Variants in STAT1 observed in about 807,000 individuals in gnomAD.
STAT1 encodes the protein signal transducer and activator of transcription 1-alpha/beta.
A neutral mutation model predicts 111.7 loss-of-function variants in STAT1; 24 were observed. The observed-to-expected ratio is 0.21, with a 90% CI of 0.16 to 0.30. The LOEUF (loss-of-function observed/expected upper bound fraction) is 0.30. STAT1 is among the 10% of genes least tolerant of loss of function. The pLI is 1.00. For missense variants in STAT1, 351 were observed against 911.9 expected (o/e 0.38, Z 7.92); for synonymous variants, 332 against 326.5 (o/e 1.02, Z -0.18).
intron 3 of STAT1, 142 bp from the exon 4 acceptor site, chr2:191,009,249 A>T: frequency 9.0e-7 from 1 of 1,106,524 alleles, no homozygotes; most frequent in Non-Finnish European, 1.3e-6. Flanking sequence ...TTTGAAACTG[A>T]CATTGCTTTT....
chr2:191,013,927 G>T, intron 1 of STAT1, 91 bp downstream of exon 1: 1 of 345,722 alleles, frequency 2.9e-6, no homozygotes, highest in Non-Finnish European at 5.2e-6. Flanking sequence ...AGCACAGACG[G>T]CCCGTCCTCG....
rs1448734605 is a variant in STAT1 at position 191,007,350 on chromosome 2, T to C, written c.372+213A>G. Among the ~76,000 whole-genome samples, 1 of 152,250 alleles carries C rather than the reference T, an allele frequency of 6.6e-6. No homozygotes were observed. The highest frequency in any genetic ancestry group is 1.9e-4 in the East Asian group (1 of 5,204). On this transcript the variant is annotated intron_variant, in intron 5 of 24. Coordinates refer to ENST00000361099, the MANE Select transcript of STAT1 (RefSeq NM_007315.4). This position sits in a 1 kb window ranked among gnomAD's most constrained non-coding sequence, Gnocchi z 4.2. ...GCTACCCAGAAGTATCTTGTTTATATGTTCTCTCTCCTCGTTAGAACTTAA... is the reference window on the plus strand; with the variant it reads ...GCTACCCAGAAGTATCTTGTTTATACGTTCTCTCTCCTCGTTAGAACTTAA...
rs1694087191 is a variant in STAT1 at position 190,999,295 on chromosome 2, G to A, written c.541+331C>T. ...GTAACACATAACCAGTGGTTATCAA[G>A]TAGGGGTCACTGACCCCTAGGGGAC... On this transcript the variant is annotated intron_variant, in intron 7 of 24. Coordinates refer to ENST00000361099, the MANE Select transcript of STAT1 (RefSeq NM_007315.4). The surrounding 1 kb of genome is among the most constrained non-coding windows in gnomAD (Gnocchi z 4.1). Among the ~76,000 whole-genome samples the A allele has an allele frequency of 6.6e-6, 1 of 152,146 alleles. No individual in the cohort carries two copies. Among genetic ancestry groups the A allele is most frequent in the African/African-American group, 2.4e-5 (1 of 41,426 alleles).
chr2:190,986,361 C>CTCCACT lies in STAT1; in HGVS notation c.1221+487_1221+492dup, dbSNP rs1277064766. 3.9e-5 allele frequency among the ~76,000 whole-genome samples: 6 copies of CTCCACT among 152,168 alleles called. No homozygotes were observed. Among genetic ancestry groups the CTCCACT allele is most frequent in the Admixed American group, 2.0e-4 (3 of 15,282 alleles). ...ACCCACACAGAGCATCCTGCTGGGT[C>CTCCACT]TCCACTGCCTGGGGAATGAGCCCTA... is the stretch of plus-strand genomic sequence containing the variant. On this transcript the variant is annotated intron_variant, in intron 14 of 24. Transcript: ENST00000361099. This position sits in a 1 kb window ranked among gnomAD's most constrained non-coding sequence, Gnocchi z 5.0.
At chr2:190,992,815 A>ACTCT in intron 10 of STAT1, 1 of 393,294 alleles carries the variant, frequency 2.5e-6, no homozygotes, top group Non-Finnish European at 4.2e-6. Context: ...TTTGAGACAG[A>ACTCT]GTCTTGCTCC....
At position 190,983,693 on chromosome 2, in the gene STAT1, C is replaced by G. The variant is rs774119065; in HGVS notation, c.1395G>C (p.Pro465=). The change falls in exon 17 of 25, where the codon CCG becomes CCC. Residue 465 remains proline (P), a synonymous_variant. Transcript: ENST00000361099. The surrounding 1 kb of genome is among the most constrained non-coding windows in gnomAD (Gnocchi z 5.7). Reference sequence around the variant, plus strand: ...ACCAAAGGATGGAGGCCCAACCGCTCGGGAGCTGGCTGACGTTGGAGATCA... The same window carrying G: ...ACCAAAGGATGGAGGCCCAACCGCTGGGGAGCTGGCTGACGTTGGAGATCA... ...VVVISNVSQL[P]SGWASILWYN... 1 of 1,614,096 alleles carries G rather than the reference C, an allele frequency of 6.2e-7. No individual in the cohort carries two copies. The highest frequency in any genetic ancestry group is 8.5e-7 in the Non-Finnish European group (1 of 1,180,014).
rs1691934967 is a variant in STAT1, at chr2:190,976,756, A to T, written c.2059+84T>A. 8.0e-7 allele frequency: 1 copy of T among 1,242,244 alleles called. No homozygotes were observed. The highest frequency in any genetic ancestry group is 1.2e-6 in the Non-Finnish European group (1 of 844,598). 77.0% of individuals were successfully genotyped at this position (1,242,244 alleles called of 1,614,324 possible). A position where few individuals can be genotyped will look rare whatever the true frequency, so the allele number is the denominator to read the frequency against. ...ACTCTTACCAATTCGAAAGCAAAAC[A>T]CTGCATGGGTGGAGTTTCAGAATAA... On this transcript the variant is annotated intron_variant, in intron 22 of 24. Transcript: ENST00000361099. The surrounding 1 kb of genome is among the most constrained non-coding windows in gnomAD (Gnocchi z 6.0).
At chr2:191,009,140 A>G in intron 3 of STAT1, 33 bp from the exon 4 acceptor site, 1 of 1,613,150 alleles carries the variant, frequency 6.2e-7, no homozygotes, top group Non-Finnish European at 8.5e-7. Flanking sequence ...ATTTCATTCT[A>G]GAACTAAATG....
intron 1 of STAT1, 90 bp downstream of exon 1, chr2:191,013,928 C>G (rs6745710): frequency 0.35 from 117,411 of 339,308 alleles, 20,947 homozygotes; most frequent in East Asian, 0.52. Flanking sequence ...GCACAGACGG[C>G]CCGTCCTCGC....
Position 190,975,643 on chromosome 2 carries a change from A to G in STAT1, c.2135+169T>C. On this transcript the variant is annotated intron_variant, in intron 23 of 24. Coordinates refer to ENST00000361099, the MANE Select transcript of STAT1 (RefSeq NM_007315.4). The surrounding 1 kb of genome is among the most constrained non-coding windows in gnomAD (Gnocchi z 5.9). Reference sequence around the variant, plus strand: ...GTTTTTGGCTTTTTTTTTTTTTTTAAAGTAGTAAAATGCTGATAGGCAGTA... The same window carrying G: ...GTTTTTGGCTTTTTTTTTTTTTTTAGAGTAGTAAAATGCTGATAGGCAGTA... 2 of 1,434,234 alleles carry G rather than the reference A, an allele frequency of 1.4e-6. No homozygotes were observed. Among genetic ancestry groups the G allele is most frequent in the Non-Finnish European group, 1.8e-6 (2 of 1,097,946 alleles). 88.8% of individuals were successfully genotyped at this position (1,434,234 alleles called of 1,614,324 possible). A position where few individuals can be genotyped will look rare whatever the true frequency, so the allele number is the denominator to read the frequency against.
chr2:190,980,572 C>T lies in STAT1; in HGVS notation c.1632+48G>A, dbSNP rs1198170111. The T allele has an allele frequency of 3.8e-6, 6 of 1,598,880 alleles. No individual in the cohort carries two copies. The highest frequency in any genetic ancestry group is 5.1e-6 in the Non-Finnish European group (6 of 1,166,094). ...ACAGCAAGAAACATGAGAACCTCAA[C>T]CAAGAGCAAAAAGGACTTAGAGAGC... On this transcript the variant is annotated intron_variant, in intron 19 of 24. Coordinates refer to ENST00000361099, the MANE Select transcript of STAT1 (RefSeq NM_007315.4). The surrounding 1 kb of genome is among the most constrained non-coding windows in gnomAD (Gnocchi z 6.1).
intron 3 of STAT1, among the ~76,000 whole-genome samples, chr2:191,009,410 A>AG (rs1243879894): frequency 1.4e-5 from 2 of 142,870 alleles, no homozygotes; most frequent in East Asian, 3.9e-4. Context: ...AAATACTTTC[A>AG]GGACGTTTTT....
At chr2:191,009,837 G>A (rs1209894918) in intron 3 of STAT1, 39 bp downstream of exon 3, 1 of 1,611,914 alleles carries the variant, frequency 6.2e-7, no homozygotes, top group South Asian at 1.1e-5. Context: ...GTACTTTTAA[G>A]GTGTAAACTT....
rs567000856 is a variant in STAT1, at chr2:190,984,144, A to T, written c.1347+166T>A. On this transcript the variant is annotated intron_variant, in intron 16 of 24. Transcript: ENST00000361099. The surrounding 1 kb of genome is among the most constrained non-coding windows in gnomAD (Gnocchi z 5.2). ...AATTTGAAGGTTAATTCAATTGTCT[A>T]GCTTTCTGGACCATAAATTAAGGTT... Among the ~76,000 whole-genome samples the T allele has an allele frequency of 6.6e-6, 1 of 152,362 alleles. No homozygotes were observed. Among genetic ancestry groups the T allele is most frequent in the South Asian group, 2.1e-4 (1 of 4,826 alleles).
In STAT1 at chr2:190,970,911, C is replaced by G. The variant is rs1691407571; in HGVS notation, c.2239-194G>C. On this transcript the variant is annotated intron_variant, in intron 24 of 24. Transcript: ENST00000361099. The surrounding 1 kb of genome is among the most constrained non-coding windows in gnomAD (Gnocchi z 5.4). ...CTGGGCTAATCAAGACCTTTTATAT[C>G]ACCTAAGCTGACGGATTATTACTCT... Among the ~76,000 whole-genome samples, 1 of 152,222 alleles carries G rather than the reference C, an allele frequency of 6.6e-6. No individual in the cohort carries two copies. The highest frequency in any genetic ancestry group is 2.4e-5 in the African/African-American group (1 of 41,458).
Position 190,970,336 on chromosome 2 carries a change from A to G in STAT1, c.*367T>C. On this transcript the variant is annotated 3_prime_UTR_variant, in exon 25 of 25. Transcript: ENST00000361099. The surrounding 1 kb of genome is among the most constrained non-coding windows in gnomAD (Gnocchi z 5.4). Reference sequence around the variant, plus strand: ...CTAAATAACCACTGATTTATCCAACAACCTATAACAGTTGGGCACTGACTT... The same window carrying G: ...CTAAATAACCACTGATTTATCCAACGACCTATAACAGTTGGGCACTGACTT... 1 of 306,786 alleles carries G rather than the reference A, an allele frequency of 3.3e-6. No homozygotes were observed. Among genetic ancestry groups the G allele is most frequent in the Non-Finnish European group, 6.3e-6 (1 of 158,452 alleles). The allele number at this position is 306,786 out of a possible 1,614,324, so 19.0% of individuals were successfully genotyped here.
In STAT1 at chr2:190,986,752, A is replaced by G; in HGVS notation, c.1221+102T>C. 9 of 1,148,618 alleles carry G rather than the reference A, an allele frequency of 7.8e-6. No homozygotes were observed. The South Asian group carries it at 8.6e-5, about 11-fold the overall frequency. 71.2% of individuals were successfully genotyped at this position (1,148,618 alleles called of 1,614,324 possible). On this transcript the variant is annotated intron_variant, in intron 14 of 24. Transcript: ENST00000361099. The surrounding 1 kb of genome is among the most constrained non-coding windows in gnomAD (Gnocchi z 5.0). ...AGCCACAAAGTCTACAAACCCCAGC[A>G]GGGGGGCGTCCTCCACATGGCAATG...
At chr2:190,992,755 T>C (rs975116656) in intron 10 of STAT1, 8 of 794,724 alleles carry the variant, frequency 1.0e-5, no homozygotes, top group Non-Finnish European at 1.5e-5. Flanking sequence ...TCAGCTGCCA[T>C]CATCATGGAA....
chr2:190,985,344 G>C (rs572119712), intron 15 of STAT1, among the ~76,000 whole-genome samples: 1 of 152,166 alleles, frequency 6.6e-6, no homozygotes, highest in African/African-American at 2.4e-5. Context: ...TTCTTCACCC[G>C]TAAGATGCGA....
Sources: allele counts gnomAD v4.1 joint callset (sites outside exome capture counted in the v4.1 genomes callset), GRCh38; gene constraint gnomAD v4.1.1; non-coding constraint Gnocchi (gnomAD v3.1); transcripts MANE v1.5; gene names NCBI Gene and HGNC (gene_info 2026-07-23, HGNC 2026-07-21).